The following ARHGAP30 variants were observed in gnomAD, a reference collection of about 807,000 sequenced individuals.
The protein encoded by ARHGAP30 is Rho GTPase activating protein 30, also known as rho GTPase-activating protein 30.
In ARHGAP30, 23 loss-of-function variants were observed where a neutral mutation model predicts 72.0. That is an observed-to-expected ratio of 0.32 (90% confidence interval 0.23 to 0.45). ARHGAP30 has a LOEUF of 0.45. Among genes scored for constraint, ARHGAP30 ranks in the 20% least tolerant of loss-of-function variants. The pLI is 1.00. For missense variants in ARHGAP30, 1,319 were observed against 1,383.4 expected (o/e 0.95, Z 0.74); for synonymous variants, 576 against 528.2 (o/e 1.09, Z -1.24).
At chr1:161,054,102 G>A (rs1651649401) in intron 5 of ARHGAP30, among the ~76,000 whole-genome samples, 1 of 152,222 alleles carries the variant, frequency 6.6e-6, no homozygotes, top group South Asian at 2.1e-4. Flanking sequence ...GAACTGTTAT[G>A]TTCCAGTCCC....
At chr1:161,062,980 A>AT (rs1652431807) in intron 1 of ARHGAP30, among the ~76,000 whole-genome samples, 2 of 151,782 alleles carry the variant, frequency 1.3e-5, no homozygotes, top group African/African-American at 2.4e-5. Context: ...GTGCCCAGCT[A>AT]ATTTTGTATT....
At chr1:161,060,127 A>G in intron 1 of ARHGAP30, 1 of 388,224 alleles carries the variant, frequency 2.6e-6, no homozygotes, top group African/African-American at 2.1e-5. Flanking sequence ...CAAAAAATAC[A>G]AACACAAATG....
At chr1:161,056,901 G>A (rs867724858) in intron 2 of ARHGAP30, among the ~76,000 whole-genome samples, 2 of 152,092 alleles carry the variant, frequency 1.3e-5, no homozygotes, top group Non-Finnish European at 2.9e-5. Context: ...AGAAAGAAAC[G>A]TTAAGTGTAA....
Position 161,069,482 on chromosome 1 carries a change from C to T in ARHGAP30, c.97+46G>A. 1.3e-6 allele frequency: 2 copies of T among 1,575,708 alleles called. No homozygotes were observed. Among genetic ancestry groups the T allele is most frequent in the Non-Finnish European group, 8.7e-7 (1 of 1,155,374 alleles). ...CAGGCTGGATCGGGCTGCAGATGCC[C>T]AGTGCCTCCCCACCCACCCTGCAGA... On this transcript the variant is annotated intron_variant, in intron 1 of 11. Coordinates refer to ENST00000368013, the MANE Select transcript of ARHGAP30 (RefSeq NM_001025598.2). This position sits in a 1 kb window ranked among gnomAD's most constrained non-coding sequence, Gnocchi z 4.9.
Position 161,069,591 on chromosome 1 carries a change from T to C in ARHGAP30, c.34A>G (p.Ser12Gly), listed in dbSNP as rs751826682. The C allele has an allele frequency of 5.6e-6, 9 of 1,611,450 alleles. No individual in the cohort carries two copies. The highest frequency in any genetic ancestry group is 7.6e-6 in the Non-Finnish European group (9 of 1,180,004). ...KSRQKGKKKG[S>G]AKERVFGCDL... is the part of the protein sequence containing the mutation. ...CACCCAAAAACCCGCTCCTTTGCGC[T>C]GCCCTTCTTCTTTCCTTTCTGCCGA... The change falls in exon 1 of 12, where the codon AGC becomes GGC. Residue 12 changes from serine to glycine, a missense_variant. Ser to Gly is a moderately conservative substitution (Grantham distance 56, BLOSUM62 0). Transcript: ENST00000368013. The surrounding 1 kb of genome is among the most constrained non-coding windows in gnomAD (Gnocchi z 4.9).
chr1:161,054,767 C>T, intron 3 of ARHGAP30, 62 bp from the exon 4 acceptor site: 1 of 1,473,174 alleles, frequency 6.8e-7, no homozygotes, highest in Non-Finnish European at 9.5e-7. Flanking sequence ...GCTTACTCCC[C>T]AGAGCTTGTA....
chr1:161,051,525 A>T lies in ARHGAP30; in HGVS notation c.1209T>A (p.Arg403=), dbSNP rs778429293. The T allele has an allele frequency of 6.2e-7, 1 of 1,614,100 alleles. No individual in the cohort carries two copies. The highest frequency in any genetic ancestry group is 8.5e-7 in the Non-Finnish European group (1 of 1,180,050). ...TGTGGACACCAGCACAGCGTTCTGC[A>T]CGGCTGCTGCCCCCAGCCCGGATGG... The part of the protein sequence containing the change: ...RSAIRAGGSS[R]AERCAGVHIS... Residue 403 remains arginine, a synonymous_variant, in exon 10 of 12, where the codon CGT becomes CGA. Transcript: ENST00000368013.
At chr1:161,058,444 T>C (rs1030763710) in intron 2 of ARHGAP30, among the ~76,000 whole-genome samples, 7 of 151,466 alleles carry the variant, frequency 4.6e-5, no homozygotes, top group African/African-American at 7.3e-5. Flanking sequence ...CTGGCTAACA[T>C]AGTGAAACCC....
chr1:161,062,831 T>C (rs1233836617), intron 1 of ARHGAP30, among the ~76,000 whole-genome samples: 1 of 152,116 alleles, frequency 6.6e-6, no homozygotes, highest in African/African-American at 2.4e-5. Flanking sequence ...CTTTTTTTTT[T>C]GAGACGGAGT....
intron 5 of ARHGAP30, among the ~76,000 whole-genome samples, 178 bp from the exon 6 acceptor site, chr1:161,053,563 T>C (rs3829791): frequency 0.49 from 73,789 of 151,246 alleles, 19,856 homozygotes; most frequent in Non-Finnish European, 0.62. Flanking sequence ...CTTCCAATTC[T>C]CAAATGCCAC....
intron 5 of ARHGAP30, 85 bp from the exon 6 acceptor site, chr1:161,053,470 CT>C (rs1651579953): frequency 1.2e-5 from 9 of 776,908 alleles, no homozygotes; most frequent in South Asian, 8.1e-5. Flanking sequence ...TATTCTCTCT[CT>C]CTCTCTCTCT....
intron 1 of ARHGAP30, among the ~76,000 whole-genome samples, chr1:161,064,831 G>GAAAGAAAGAGAA (rs1231950263): frequency 4.1e-5 from 3 of 73,886 alleles, no homozygotes; most frequent in East Asian, 5.6e-4. Context: ...AAGAAAGAAA[G>GAAAGAAAGAGAA]AGAAAGAAAG....
chr1:161,053,080 C>T, intron 6 of ARHGAP30, 178 bp downstream of exon 6: 1 of 995,242 alleles, frequency 1.0e-6, no homozygotes. Context: ...CCTAGACTGA[C>T]AGCAGAAGAA....
chr1:161,067,969 A>G (rs1051129740), intron 1 of ARHGAP30, among the ~76,000 whole-genome samples: 3 of 148,012 alleles, frequency 2.0e-5, no homozygotes, highest in Admixed American at 1.4e-4. Flanking sequence ...CTGCTCTCGG[A>G]TTCACCTAGG....
chr1:161,060,073 G>A (rs1652199531), intron 1 of ARHGAP30: 1 of 320,922 alleles, frequency 3.1e-6, no homozygotes, highest in African/African-American at 2.2e-5. Context: ...TTGAGCCCAG[G>A]AGTTCAAGAT....
At position 161,052,285 on chromosome 1, in the gene ARHGAP30, C is replaced by G; in HGVS notation, c.1018+1G>C. ...ACACAGAAATGCACCCCTATACTCA[C>G]CATCACTGGCCCCAGCTGCAGCACT... is the stretch of plus-strand genomic sequence containing the variant. On this transcript the variant is annotated splice_donor_variant, in intron 9 of 11. Coordinates refer to ENST00000368013, the MANE Select transcript of ARHGAP30 (RefSeq NM_001025598.2). LOFTEE classifies it high-confidence loss of function. 1 of 1,613,894 alleles carries G rather than the reference C, an allele frequency of 6.2e-7. No individual in the cohort carries two copies. The highest frequency in any genetic ancestry group is 8.5e-7 in the Non-Finnish European group (1 of 1,180,042).
intron 3 of ARHGAP30, among the ~76,000 whole-genome samples, chr1:161,055,621 C>T (rs1321277200): frequency 6.6e-6 from 1 of 151,536 alleles, no homozygotes; most frequent in Non-Finnish European, 1.5e-5. Flanking sequence ...GAAACCCTGT[C>T]TCTACCAAAA....
At chr1:161,054,298 C>T in intron 5 of ARHGAP30, 68 bp downstream of exon 5, 1 of 1,412,366 alleles carries the variant, frequency 7.1e-7, no homozygotes, top group Middle Eastern at 1.7e-4. Context: ...CACACCTCAT[C>T]CTGGGAGCAG....
At chr1:161,056,344 C>A in intron 3 of ARHGAP30, 44 bp downstream of exon 3, 1 of 1,599,308 alleles carries the variant, frequency 6.3e-7, no homozygotes, top group Non-Finnish European at 8.5e-7. Context: ...ACCAGGCTGT[C>A]CACCCCTGAG....
Sources: allele counts gnomAD v4.1 joint callset (sites outside exome capture counted in the v4.1 genomes callset), GRCh38; gene constraint gnomAD v4.1.1; non-coding constraint Gnocchi (gnomAD v3.1); transcripts MANE v1.5; gene names NCBI Gene and HGNC (gene_info 2026-07-23, HGNC 2026-07-21).